The following XRCC4 variants were observed in gnomAD, a reference collection of about 807,000 sequenced individuals.
XRCC4 encodes X-ray repair cross complementing 4, also known as DNA repair protein XRCC4.
A neutral mutation model predicts 39.1 loss-of-function variants in XRCC4; 28 were observed. The observed-to-expected ratio is 0.72, with a 90% CI of 0.53 to 0.98. The LOEUF (loss-of-function observed/expected upper bound fraction) is 0.98. Among genes scored for constraint, XRCC4 ranks in the 50% least tolerant of loss-of-function variants. XRCC4 has a pLI of 0.00. For missense variants in XRCC4, 350 were observed against 376.4 expected, an observed-to-expected ratio of 0.93 and a Z score of 0.58; for synonymous variants, 123 against 126.4, an observed-to-expected ratio of 0.97 and a Z score of 0.18.
chr5:83,331,495 G>A (rs1338964220), intron 7 of XRCC4, among the ~76,000 whole-genome samples: 1 of 152,010 alleles, frequency 6.6e-6, no homozygotes, highest in Admixed American at 6.6e-5. Context: ...GCACCATTTT[G>A]TAAAAGATGT....
In XRCC4 at chr5:83,236,553, AAAATC is replaced by A. The variant is rs541959628; in HGVS notation, c.746-21968_746-21964del. ...AGAACCCTATATCTCACCATATACA[AAAATC>A]AAATCAAAATGGATTAAAGACTTAA... is the stretch of plus-strand genomic sequence containing the variant. On this transcript the variant is annotated intron_variant, in intron 6 of 7. Coordinates refer to ENST00000396027, the MANE Select transcript of XRCC4 (RefSeq NM_003401.5). Among the ~76,000 whole-genome samples the A allele has an allele frequency of 5.9e-5, 9 of 152,284 alleles. No individual in the cohort carries two copies. The East Asian group carries it at 1.4e-3, about 23-fold the overall frequency.
intron 3 of XRCC4, among the ~76,000 whole-genome samples, chr5:83,164,033 G>A (rs1749344364): frequency 6.6e-6 from 1 of 152,150 alleles, no homozygotes; most frequent in Non-Finnish European, 1.5e-5. Context: ...AACTGCTATA[G>A]TAGAGGGCAT....
intron 7 of XRCC4, among the ~76,000 whole-genome samples, chr5:83,329,730 A>T (rs1400145734): frequency 6.6e-6 from 1 of 152,154 alleles, no homozygotes; most frequent in Non-Finnish European, 1.5e-5. Flanking sequence ...TCAAAGCATG[A>T]GGAAATCTCA....
chr5:83,138,968 C>T (rs1311990071), intron 3 of XRCC4, among the ~76,000 whole-genome samples: 2 of 151,992 alleles, frequency 1.3e-5, no homozygotes, highest in Non-Finnish European at 2.9e-5. Flanking sequence ...TTTCTGTATA[C>T]CTTTACTCCT....
intron 1 of XRCC4, among the ~76,000 whole-genome samples, chr5:83,095,083 T>C (rs1580209152): frequency 6.6e-6 from 1 of 152,182 alleles, no homozygotes; most frequent in East Asian, 1.9e-4. Context: ...GGATAGAACT[T>C]TACTATTTAT....
chr5:83,225,172 T>C (rs1430510345), intron 6 of XRCC4, among the ~76,000 whole-genome samples: 1 of 152,092 alleles, frequency 6.6e-6, no homozygotes, highest in Non-Finnish European at 1.5e-5. Flanking sequence ...GTCCAAACTG[T>C]TATCGCTGTT....
intron 7 of XRCC4, among the ~76,000 whole-genome samples, chr5:83,349,395 G>A (rs1274309757): frequency 6.6e-6 from 1 of 152,140 alleles, no homozygotes; most frequent in Non-Finnish European, 1.5e-5. Context: ...TTTACTACCT[G>A]TAAAAATAAT....
intron 3 of XRCC4, among the ~76,000 whole-genome samples, chr5:83,155,237 T>G (rs1333456585): frequency 2.6e-5 from 4 of 152,182 alleles, no homozygotes; most frequent in African/African-American, 9.6e-5. Flanking sequence ...TGAGTGTATA[T>G]GATTCTTGGT....
At chr5:83,259,773 A>G (rs1264002151) in intron 7 of XRCC4, among the ~76,000 whole-genome samples, 1 of 152,070 alleles carries the variant, frequency 6.6e-6, no homozygotes, top group Middle Eastern at 3.2e-3. Flanking sequence ...TCAATATGGC[A>G]AATAGTCTAC....
intron 3 of XRCC4, among the ~76,000 whole-genome samples, chr5:83,124,474 ATTCT>A (rs1747163396): frequency 6.6e-6 from 1 of 152,120 alleles, no homozygotes; most frequent in South Asian, 2.1e-4. Flanking sequence ...TGAGTAGTCT[ATTCT>A]TACCTCATGG....
At chr5:83,103,589 A>T (rs917257203) in intron 1 of XRCC4, among the ~76,000 whole-genome samples, 1 of 152,184 alleles carries the variant, frequency 6.6e-6, no homozygotes, top group Non-Finnish European at 1.5e-5. Context: ...AGAAATGCAT[A>T]TGTATTTGCT....
chr5:83,131,781 C>T (rs1442862701), intron 3 of XRCC4, among the ~76,000 whole-genome samples: 1 of 152,052 alleles, frequency 6.6e-6, no homozygotes, highest in Non-Finnish European at 1.5e-5. Flanking sequence ...TGTCTCTGCA[C>T]ATGAGATGGG....
At chr5:83,142,188 A>G (rs1299474322) in intron 3 of XRCC4, among the ~76,000 whole-genome samples, 2 of 152,156 alleles carry the variant, frequency 1.3e-5, no homozygotes, top group African/African-American at 4.8e-5. Flanking sequence ...AATGAAAGTT[A>G]CTAATAATGA....
chr5:83,180,507 A>G (rs983810178), intron 3 of XRCC4, among the ~76,000 whole-genome samples: 1 of 152,162 alleles, frequency 6.6e-6, no homozygotes, highest in Non-Finnish European at 1.5e-5. Flanking sequence ...GGAGTTATCA[A>G]GTGTCTTTCT....
intron 7 of XRCC4, among the ~76,000 whole-genome samples, chr5:83,299,900 A>G (rs1173892121): frequency 1.3e-5 from 2 of 152,086 alleles, no homozygotes; most frequent in Non-Finnish European, 2.9e-5. Flanking sequence ...TTTTGTTTCT[A>G]CTATTCTTAC....
intron 7 of XRCC4, among the ~76,000 whole-genome samples, chr5:83,265,364 A>G (rs1753917935): frequency 6.6e-6 from 1 of 152,144 alleles, no homozygotes; most frequent in African/African-American, 2.4e-5. Context: ...TGTTTATCTT[A>G]GTTGCAAAAG....
intron 7 of XRCC4, among the ~76,000 whole-genome samples, chr5:83,333,922 A>G (rs1756515555): frequency 6.6e-6 from 1 of 152,086 alleles, no homozygotes; most frequent in Non-Finnish European, 1.5e-5. Flanking sequence ...GGTGTGCGCC[A>G]CCACGCCTGG....
At chr5:83,261,735 G>C (rs78943751) in intron 7 of XRCC4, among the ~76,000 whole-genome samples, 2 of 149,872 alleles carry the variant, frequency 1.3e-5, no homozygotes, top group South Asian at 2.1e-4. Context: ...AATATTTATA[G>C]ATCTATTGTA....
intron 3 of XRCC4, among the ~76,000 whole-genome samples, chr5:83,164,183 A>T (rs1749350156): frequency 6.6e-6 from 1 of 152,172 alleles, no homozygotes; most frequent in South Asian, 2.1e-4. Flanking sequence ...AGTGAACTGA[A>T]TAAATCTTTA....
Sources: allele counts gnomAD v4.1 joint callset (sites outside exome capture counted in the v4.1 genomes callset), GRCh38; gene constraint gnomAD v4.1.1; transcripts MANE v1.5; gene names NCBI Gene and HGNC (gene_info 2026-07-23, HGNC 2026-07-21).